Variants in RALGPS1 observed in about 807,000 individuals in gnomAD.
RALGPS1 encodes ras-specific guanine nucleotide-releasing factor RalGPS1.
A neutral mutation model predicts 78.8 loss-of-function variants in RALGPS1; 19 were observed. The ratio of observed to expected loss-of-function variants is 0.24; its 90% confidence interval spans 0.17 to 0.35. The LOEUF is 0.35. Among genes scored for constraint, RALGPS1 ranks in the 10% least tolerant of loss-of-function variants. The probability of loss-of-function intolerance (pLI) is 1.00; values close to 1 mark genes in which losing one functional copy is unlikely to be tolerated. For synonymous variants in RALGPS1, 228 were observed against 256.3 expected (o/e 0.89, Z 1.06); for missense variants, 454 against 688.3 (o/e 0.66, Z 3.81).
At chr9:126,920,578 C>G (rs1352316801) in intron 1 of RALGPS1, among the ~76,000 whole-genome samples, 1 of 152,104 alleles carries the variant, frequency 6.6e-6, no homozygotes, top group Non-Finnish European at 1.5e-5. Context: ...GTAGGTGGCT[C>G]ATAGATTTTA....
chr9:126,991,093 A>G (rs187197399), intron 4 of RALGPS1, among the ~76,000 whole-genome samples: 1 of 152,372 alleles, frequency 6.6e-6, no homozygotes, highest in Non-Finnish European at 1.5e-5. Context: ...CCCAAAGGCT[A>G]AACAGCTGTC....
Position 127,155,353 on chromosome 9 carries a change from A to C in RALGPS1, c.611-10716A>C, listed in dbSNP as rs79696143. ...TAAATGCTGTAATCGAGGAAAGGAC[A>C]GTGTGCTGCGAGCCCAGGAGGAGCC... On this transcript the variant is annotated intron_variant, in intron 8 of 18. Transcript: ENST00000259351. 6.3e-3 allele frequency among the ~76,000 whole-genome samples: 962 copies of C among 152,322 alleles called. 9 individuals are homozygous for C. Among genetic ancestry groups the C allele is most frequent in the African/African-American group, 0.022 (909 of 41,580 alleles).
chr9:127,177,392 C>T (rs569962463), intron 11 of RALGPS1, among the ~76,000 whole-genome samples: 41 of 152,360 alleles, frequency 2.7e-4, no homozygotes, highest in Non-Finnish European at 5.4e-4. Context: ...CTCCCTGGCA[C>T]CAGCCATTCA....
At chr9:127,056,609 G>A (rs878998514) in intron 7 of RALGPS1, among the ~76,000 whole-genome samples, 2 of 152,120 alleles carry the variant, frequency 1.3e-5, no homozygotes, top group African/African-American at 4.8e-5. Flanking sequence ...AGCCCCAGTG[G>A]AATGGCAGAC....
intron 14 of RALGPS1, among the ~76,000 whole-genome samples, chr9:127,208,646 C>G (rs2062065649): frequency 1.3e-5 from 2 of 152,182 alleles, no homozygotes; most frequent in Non-Finnish European, 2.9e-5. Flanking sequence ...TACCTAGTGA[C>G]TGCTTGATCT....
chr9:126,996,464 C>T (rs1263126520), intron 4 of RALGPS1, among the ~76,000 whole-genome samples: 1 of 152,162 alleles, frequency 6.6e-6, no homozygotes, highest in Non-Finnish European at 1.5e-5. Flanking sequence ...CACATGCATC[C>T]TCCCAAGACT....
At chr9:127,193,606 G>A (rs1188610861) in intron 11 of RALGPS1, among the ~76,000 whole-genome samples, 1 of 152,162 alleles carries the variant, frequency 6.6e-6, no homozygotes, top group Non-Finnish European at 1.5e-5. Flanking sequence ...TACGGGCTGG[G>A]GGTGTGGGTC....
At chr9:127,041,059 G>GTGTGTGTGTA (rs1554802087) in intron 5 of RALGPS1, among the ~76,000 whole-genome samples, 4 of 151,444 alleles carry the variant, frequency 2.6e-5, no homozygotes, top group Non-Finnish European at 5.9e-5. Context: ...GTGTGTGTGT[G>GTGTGTGTGTA]TGTGTGTATG....
rs116464141 is a variant in RALGPS1 at position 127,119,145 on chromosome 9, C to T, written c.611-46924C>T. ...CAGGCACGTGGAACAAGTCAGCCAA[C>T]CTGGTTTCGAAGCTCAGTTCCTCTT... On this transcript the variant is annotated intron_variant, in intron 8 of 18. Coordinates refer to ENST00000259351, the MANE Select transcript of RALGPS1 (RefSeq NM_014636.3). 5.1e-3 allele frequency among the ~76,000 whole-genome samples: 784 copies of T among 152,304 alleles called. 9 individuals are homozygous for T. The highest frequency in any genetic ancestry group is 0.018 in the African/African-American group (752 of 41,568).
At chr9:127,214,647 C>G in intron 17 of RALGPS1, 104 bp from the exon 18 acceptor site, 1 of 1,497,230 alleles carries the variant, frequency 6.7e-7, no homozygotes, top group African/African-American at 1.4e-5. Context: ...CTGGGGCCGA[C>G]CTTCCCACTT....
Position 127,183,989 on chromosome 9 carries a change from G to T in RALGPS1, c.910+9207G>T, listed in dbSNP as rs2060464240. ...CTCACGAGTACCAGCGGCTCCCCCA[G>T]CATCTGCTGCTCCGCGCTCCCCGTG... is the stretch of plus-strand genomic sequence containing the variant. On this transcript the variant is annotated intron_variant, in intron 11 of 18. Transcript: ENST00000259351. The surrounding 1 kb of genome is among the most constrained non-coding windows in gnomAD (Gnocchi z 4.0). 6.5e-7 allele frequency: 1 copy of T among 1,550,230 alleles called. No homozygotes were observed. Among genetic ancestry groups the T allele is most frequent in the Non-Finnish European group, 8.7e-7 (1 of 1,146,958 alleles).
Position 126,960,493 on chromosome 9 carries a change from C to G in RALGPS1, c.-65-1732C>G, listed in dbSNP as rs183662580. Among the ~76,000 whole-genome samples the G allele has an allele frequency of 4.6e-3, 703 of 152,080 alleles. 8 individuals carry two copies. The highest frequency in any genetic ancestry group is 0.016 in the African/African-American group (660 of 41,472). ...AAGTGATCTGCCCACCTCAGCCTCC[C>G]AAAGTGCTGGGATTACAGGTGTGAG... is the stretch of plus-strand genomic sequence containing the variant. On this transcript the variant is annotated intron_variant, in intron 1 of 18. Coordinates refer to ENST00000259351, the MANE Select transcript of RALGPS1 (RefSeq NM_014636.3).
At chr9:127,017,296 C>T (rs62580802) in intron 4 of RALGPS1, among the ~76,000 whole-genome samples, 49,956 of 152,008 alleles carry the variant, frequency 0.33, 10,016 homozygotes, top group Non-Finnish European at 0.42. Flanking sequence ...ACCTGTACAG[C>T]GTGAGTACAC....
chr9:126,961,074 C>T (rs986249212), intron 1 of RALGPS1, among the ~76,000 whole-genome samples: 1 of 152,192 alleles, frequency 6.6e-6, no homozygotes, highest in African/African-American at 2.4e-5. Flanking sequence ...TCCTTACTCT[C>T]CTGGTCACTT....
At chr9:127,046,311 T>C (rs886685624) in intron 5 of RALGPS1, among the ~76,000 whole-genome samples, 5 of 152,190 alleles carry the variant, frequency 3.3e-5, no homozygotes, top group African/African-American at 1.2e-4. Flanking sequence ...GTGACTTCCT[T>C]GCAGAGTTTG....
chr9:127,117,776 G>C (rs1390137036), intron 8 of RALGPS1, among the ~76,000 whole-genome samples: 1 of 152,242 alleles, frequency 6.6e-6, no homozygotes, highest in East Asian at 1.9e-4. Flanking sequence ...CAGTAACTGA[G>C]ACAGACACAG....
intron 10 of RALGPS1, among the ~76,000 whole-genome samples, chr9:127,171,342 C>T (rs1050515135): frequency 1.3e-5 from 2 of 150,896 alleles, no homozygotes; most frequent in Non-Finnish European, 2.9e-5. Flanking sequence ...AAAATACTAA[C>T]TTTAATTTCA....
intron 5 of RALGPS1, among the ~76,000 whole-genome samples, chr9:127,044,902 A>G (rs545270880): frequency 1.3e-5 from 2 of 152,358 alleles, no homozygotes; most frequent in East Asian, 3.9e-4. Context: ...GGTTTATTAC[A>G]AAGCAAAGAA....
In RALGPS1 at chr9:127,188,787, C is replaced by T. The variant is rs1398586409; in HGVS notation, c.911-6304C>T. Reference sequence around the variant, plus strand: ...TTGAGACCAGCCTGGCCAACATGGTCGCAAAACCCCATCTGTACTAAAGAC... The same window carrying T: ...TTGAGACCAGCCTGGCCAACATGGTTGCAAAACCCCATCTGTACTAAAGAC... On this transcript the variant is annotated intron_variant, in intron 11 of 18. Transcript: ENST00000259351. 3.6e-5 allele frequency among the ~76,000 whole-genome samples: 5 copies of T among 139,076 alleles called. No individual in the cohort carries two copies. In the South Asian group the frequency reaches 9.9e-4, roughly 27 times the overall value. 91.2% of individuals were successfully genotyped at this position (139,076 alleles called of 152,430 possible).
Sources: gnomAD v4.1 joint callset for allele counts (sites outside exome capture counted in the v4.1 genomes callset) on GRCh38, gnomAD v4.1.1 for gene constraint, Gnocchi (gnomAD v3.1) non-coding constraint, MANE v1.5 for transcripts, NCBI Gene and HGNC (gene_info 2026-07-23, HGNC 2026-07-21) for gene names.